The following MID1 variants were observed in gnomAD, a reference collection of about 807,000 sequenced individuals.
MID1 encodes the protein E3 ubiquitin-protein ligase Midline-1.
MID1 carries 7 observed loss-of-function variants against 40.4 expected under a neutral mutation model. The observed-to-expected ratio is 0.17, with a 90% CI of 0.10 to 0.33. The LOEUF (loss-of-function observed/expected upper bound fraction) is 0.33. Among genes scored for constraint, MID1 ranks in the 10% least tolerant of loss-of-function variants. MID1 has a pLI of 1.00. For missense variants in MID1, 367 were observed against 558.5 expected, an observed-to-expected ratio of 0.66 and a Z score of 3.46; for synonymous variants, 229 against 221.2, an observed-to-expected ratio of 1.04 and a Z score of -0.31.
At chrX:10,725,878 AAAG>A (rs768774120) in intron 1 of MID1, among the ~76,000 whole-genome samples, 8 of 112,038 alleles carry the variant, frequency 7.1e-5, no homozygotes, top group Admixed American at 6.6e-4. Context: ...AAAGAAAGAA[AAAG>A]AAGAACTTGG....
rs1310500187 is a variant in MID1, at chrX:10,448,297, A to G, written c.*1071T>C. ...AACTCATAAATATTAAGTGTTTTTC[A>G]GTGACTTATGTTTGGATGTGGTAGT... On this transcript the variant is annotated 3_prime_UTR_variant, in exon 10 of 10. Transcript: ENST00000317552. 3 of 111,155 alleles carry G rather than the reference A, an allele frequency of 2.7e-5. No homozygotes were observed. Among genetic ancestry groups the G allele is most frequent in the Non-Finnish European group, 3.8e-5 (2 of 53,060 alleles). The allele number at this position is 111,155 out of a possible 1,213,427, so 9.2% of individuals were successfully genotyped here.
intron 7 of MID1, among the ~76,000 whole-genome samples, chrX:10,462,657 A>T (rs985351299): frequency 1.3e-4 from 14 of 108,266 alleles, no homozygotes; most frequent in Admixed American, 6.9e-4. Context: ...GATTTTATAC[A>T]TTTTTTTTTT....
chrX:10,563,363 A>G (rs1934413760), intron 2 of MID1, among the ~76,000 whole-genome samples: 1 of 111,601 alleles, frequency 9.0e-6, no homozygotes, highest in Non-Finnish European at 1.9e-5. Context: ...GTTTTTTTCA[A>G]TTTGTATATT....
At chrX:10,688,948 T>A (rs1329173465) in intron 1 of MID1, among the ~76,000 whole-genome samples, 3 of 110,457 alleles carry the variant, frequency 2.7e-5, no homozygotes, top group South Asian at 7.8e-4. Context: ...TGTATTTATT[T>A]CTCTATCTTA....
intron 1 of MID1, among the ~76,000 whole-genome samples, chrX:10,701,300 G>A (rs763651388): frequency 1.3e-4 from 14 of 111,985 alleles, no homozygotes; most frequent in Admixed American, 7.6e-4. Flanking sequence ...ATGTGCAAAA[G>A]TGGTGAAGCC....
chrX:10,582,279 C>A (rs1935036225), intron 1 of MID1, among the ~76,000 whole-genome samples: 1 of 111,378 alleles, frequency 9.0e-6, no homozygotes, highest in Non-Finnish European at 1.9e-5. Flanking sequence ...AACAAACAAA[C>A]CTGCCTTCTC....
intron 8 of MID1, among the ~76,000 whole-genome samples, chrX:10,457,935 C>T: frequency 8.9e-6 from 1 of 112,964 alleles, no homozygotes; most frequent in East Asian, 2.8e-4. Flanking sequence ...CAAGGTTGTG[C>T]TGGGGCACCC....
chrX:10,642,660 C>T (rs1158616348), intron 1 of MID1, among the ~76,000 whole-genome samples: 2 of 110,628 alleles, frequency 1.8e-5, no homozygotes, highest in South Asian at 7.5e-4. Flanking sequence ...TTGGAAAAAA[C>T]TACTTTAAAG....
At chrX:10,827,461 G>A (rs988933789) in intron 1 of MID1, among the ~76,000 whole-genome samples, 1 of 13,755 alleles carries the variant, frequency 7.3e-5, no homozygotes, top group African/African-American at 2.8e-4. Flanking sequence ...CCCCCACCCC[G>A]CCCACCAGCC....
chrX:10,786,046 G>T (rs1438981341), intron 1 of MID1, among the ~76,000 whole-genome samples: 1 of 111,384 alleles, frequency 9.0e-6, no homozygotes, highest in Non-Finnish European at 1.9e-5. Context: ...CAGAATGGGA[G>T]AAAATTTTTG....
At chrX:10,498,839 T>C (rs1397126082) in intron 3 of MID1, among the ~76,000 whole-genome samples, 1 of 112,521 alleles carries the variant, frequency 8.9e-6, no homozygotes, top group Admixed American at 9.4e-5. Context: ...AACAGGCCAC[T>C]TTTTATCTCT....
intron 1 of MID1, among the ~76,000 whole-genome samples, chrX:10,606,048 T>A (rs764549048): frequency 9.0e-6 from 1 of 111,702 alleles, no homozygotes; most frequent in South Asian, 3.7e-4. Context: ...ATAACTACTA[T>A]CCAAATCTTC....
At chrX:10,454,794 G>A (rs1359441353) in intron 9 of MID1, 76 bp downstream of exon 9, 1 of 881,501 alleles carries the variant, frequency 1.1e-6, no homozygotes, top group Non-Finnish European at 1.7e-6. Context: ...ATGCATTACA[G>A]TATGGGTTGA....
intron 2 of MID1, among the ~76,000 whole-genome samples, chrX:10,531,134 G>A (rs980428423): frequency 9.0e-5 from 10 of 111,466 alleles, no homozygotes; most frequent in African/African-American, 2.6e-4. Context: ...CCACTCCAGC[G>A]TGATCAGGAT....
At chrX:10,550,550 G>A (rs757195402) in intron 2 of MID1, among the ~76,000 whole-genome samples, 4 of 112,029 alleles carry the variant, frequency 3.6e-5, no homozygotes, top group Non-Finnish European at 5.6e-5. Context: ...TGCAGATGGC[G>A]GGAGGGGAGT....
At chrX:10,460,876 T>C (rs1928984165) in intron 7 of MID1, among the ~76,000 whole-genome samples, 1 of 111,190 alleles carries the variant, frequency 9.0e-6, no homozygotes, top group Admixed American at 9.6e-5. Context: ...AATTCACAAA[T>C]GCATATACAC....
At chrX:10,635,870 C>T (rs1035430504) in intron 1 of MID1, among the ~76,000 whole-genome samples, 1 of 112,095 alleles carries the variant, frequency 8.9e-6, no homozygotes, top group Admixed American at 9.5e-5. Context: ...GTCATGTCTT[C>T]ACTCGTGAAG....
chrX:10,806,908 C>T (rs1014802231), intron 1 of MID1, among the ~76,000 whole-genome samples: 2 of 110,097 alleles, frequency 1.8e-5, no homozygotes, highest in African/African-American at 6.8e-5. Context: ...TTTTCCTATT[C>T]AGAATTAAAA....
At chrX:10,627,230 A>G (rs933399673) in intron 1 of MID1, among the ~76,000 whole-genome samples, 3 of 112,037 alleles carry the variant, frequency 2.7e-5, no homozygotes, top group Non-Finnish European at 5.6e-5. Flanking sequence ...CCCATAGATG[A>G]CCAGAGTCGT....
Sources: gnomAD v4.1 joint callset for allele counts (sites outside exome capture counted in the v4.1 genomes callset) on GRCh38, gnomAD v4.1.1 for gene constraint, MANE v1.5 for transcripts, NCBI Gene and HGNC (gene_info 2026-07-23, HGNC 2026-07-21) for gene names.